The following TANC1 variants were observed in gnomAD, a reference collection of about 807,000 sequenced individuals.
TANC1 encodes the protein tetratricopeptide repeat, ankyrin repeat and coiled-coil containing 1.
TANC1 carries 77 observed loss-of-function variants against 149.7 expected under a neutral mutation model. The observed-to-expected ratio is 0.51, with a 90% confidence interval of 0.43 to 0.62. TANC1 has a LOEUF of 0.62. Ranked by LOEUF, TANC1 falls within the 20% of genes least tolerant of loss-of-function variation. The pLI is 0.00. For missense variants in TANC1, 1,985 were observed against 2,321.8 expected, an observed-to-expected ratio of 0.85 and a Z score of 2.98; for synonymous variants, 854 against 925.0, an observed-to-expected ratio of 0.92 and a Z score of 1.39.
intron 7 of TANC1, among the ~76,000 whole-genome samples, chr2:159,151,881 A>G (rs1418703212): frequency 6.6e-6 from 1 of 152,214 alleles, no homozygotes; most frequent in Admixed American, 6.5e-5. Context: ...CATTTGAACC[A>G]TTTGACGGTT....
At chr2:159,015,167 G>A (rs553447867) in intron 2 of TANC1, among the ~76,000 whole-genome samples, 12 of 152,326 alleles carry the variant, frequency 7.9e-5, no homozygotes, top group Non-Finnish European at 1.3e-4. Flanking sequence ...AGGCATTCCC[G>A]TGCATCTTCT....
At chr2:159,167,237 A>G (rs1408219108) in intron 8 of TANC1, among the ~76,000 whole-genome samples, 1 of 152,194 alleles carries the variant, frequency 6.6e-6, no homozygotes, top group African/African-American at 2.4e-5. Context: ...ATTACGGGTT[A>G]TGAATATGGC....
chr2:159,144,844 T>C (rs749602025), intron 5 of TANC1, among the ~76,000 whole-genome samples: 7 of 152,188 alleles, frequency 4.6e-5, no homozygotes, highest in Non-Finnish European at 8.8e-5. Context: ...CATGGATAGA[T>C]AGAGGCAGAG....
At chr2:158,990,386 GATGT>G (rs1253201868) in intron 1 of TANC1, among the ~76,000 whole-genome samples, 1 of 152,212 alleles carries the variant, frequency 6.6e-6, no homozygotes, top group Non-Finnish European at 1.5e-5. Context: ...TGATGAATAA[GATGT>G]GGTTTCTATC....
chr2:159,048,141 G>A (rs2041209462), intron 2 of TANC1, among the ~76,000 whole-genome samples: 1 of 152,164 alleles, frequency 6.6e-6, no homozygotes, highest in African/African-American at 2.4e-5. Context: ...ATGGGCTGGT[G>A]TTGGTTGACC....
In TANC1 at chr2:159,219,692, G is replaced by A. The variant is rs772481915; in HGVS notation, c.3503G>A (p.Gly1168Asp). Reference protein sequence around the residue: ...LSTVEFLLSKGAALSSLDKEG... With the variant: ...LSTVEFLLSKDAALSSLDKEG... ...TTCTGTGAATGGGCTTTCCTTTCAG[G>A]TGCAGCCCTTTCTTCTCTAGACAAA... Residue 1168 changes from glycine (G) to aspartate (D), a missense_variant and splice_region_variant, in exon 22 of 27, where the codon GGT becomes GAT. Gly to Asp is a moderately conservative substitution (Grantham distance 94). Coordinates refer to ENST00000263635, the MANE Select transcript of TANC1 (RefSeq NM_033394.3). 7.4e-6 allele frequency: 12 copies of A among 1,614,032 alleles called. No individual in the cohort carries two copies. The East Asian group carries it at 2.2e-4, about 30-fold the overall frequency.
At chr2:159,192,546 A>G (rs1011692892) in intron 16 of TANC1, among the ~76,000 whole-genome samples, 3 of 152,248 alleles carry the variant, frequency 2.0e-5, no homozygotes, top group African/African-American at 4.8e-5. Context: ...AAGAGTGTCA[A>G]TATCAACGAG....
intron 19 of TANC1, among the ~76,000 whole-genome samples, chr2:159,212,766 C>T (rs1369207276): frequency 1.3e-5 from 2 of 151,938 alleles, no homozygotes; most frequent in East Asian, 1.9e-4. Flanking sequence ...ACTAAAAATA[C>T]AAAAATTAGC....
At chr2:159,164,998 C>G (rs571001258) in intron 8 of TANC1, among the ~76,000 whole-genome samples, 143 of 152,276 alleles carry the variant, frequency 9.4e-4, no homozygotes, top group African/African-American at 3.3e-3. Context: ...GCACCCAAGG[C>G]GCTTTAGACC....
At chr2:159,051,035 G>A (rs1303856597) in intron 2 of TANC1, among the ~76,000 whole-genome samples, 1 of 152,178 alleles carries the variant, frequency 6.6e-6, no homozygotes, top group Admixed American at 6.5e-5. Flanking sequence ...CCAGGAAGAT[G>A]TTTTGCTGAG....
In TANC1 at chr2:159,179,032, G is replaced by A; in HGVS notation, c.2379G>A (p.Gln793=). 6.2e-7 allele frequency: 1 copy of A among 1,614,064 alleles called. No homozygotes were observed. Among genetic ancestry groups the A allele is most frequent in the Non-Finnish European group, 8.5e-7 (1 of 1,180,022 alleles). The stretch of plus-strand genomic sequence containing the variant: ...AGCAGGGATGGGAAGACTTTCAGCA[G>A]AGGATGGACGCCCTCTCCTGCTTCC... ...QGEQGWEDFQ[Q]RMDALSCFLI... The change falls in exon 14 of 27, where the codon CAG becomes CAA. Residue 793 remains glutamine (Q), a synonymous_variant. Transcript: ENST00000263635.
At chr2:159,131,277 A>T (rs945910645) in intron 4 of TANC1, among the ~76,000 whole-genome samples, 2 of 152,176 alleles carry the variant, frequency 1.3e-5, no homozygotes, top group Non-Finnish European at 2.9e-5. Context: ...TTAGCTCTTG[A>T]ATCTCTCTCC....
chr2:159,042,456 C>G (rs1312310620), intron 2 of TANC1, among the ~76,000 whole-genome samples: 2 of 152,048 alleles, frequency 1.3e-5, no homozygotes, highest in African/African-American at 2.4e-5. Context: ...CACAGGAGCT[C>G]CTTGTTGGAA....
At chr2:158,969,691 G>A (rs2032550051) in intron 1 of TANC1, among the ~76,000 whole-genome samples, 1 of 152,244 alleles carries the variant, frequency 6.6e-6, no homozygotes, top group Non-Finnish European at 1.5e-5. Context: ...CAGACAGAAA[G>A]GTCCCTGGAC....
chr2:159,191,721 A>ATTTGTT (rs1201818129), intron 16 of TANC1, among the ~76,000 whole-genome samples: 1 of 152,152 alleles, frequency 6.6e-6, no homozygotes, highest in Non-Finnish European at 1.5e-5. Flanking sequence ...TTCCAGACCC[A>ATTTGTT]TTTGTTTGTA....
chr2:159,027,877 T>C (rs1299027809), intron 2 of TANC1, among the ~76,000 whole-genome samples: 1 of 152,128 alleles, frequency 6.6e-6, no homozygotes, highest in African/African-American at 2.4e-5. Context: ...CAAATGAGGG[T>C]CTTCTTCCTG....
chr2:159,018,029 G>A (rs888999829), intron 2 of TANC1, among the ~76,000 whole-genome samples: 3 of 152,158 alleles, frequency 2.0e-5, no homozygotes, highest in Non-Finnish European at 4.4e-5. Context: ...TAGAACAGGC[G>A]TGAATCAAAC....
At chr2:159,042,107 T>A (rs1022357531) in intron 2 of TANC1, among the ~76,000 whole-genome samples, 1 of 152,112 alleles carries the variant, frequency 6.6e-6, no homozygotes, top group Non-Finnish European at 1.5e-5. Flanking sequence ...CAGAGAAACC[T>A]CCTATTCTCC....
chr2:159,003,971 C>CT (rs1470612211), intron 2 of TANC1: 2 of 1,612,294 alleles, frequency 1.2e-6, no homozygotes, highest in African/African-American at 1.3e-5. Flanking sequence ...TCAGAGTTCT[C>CT]TAAAAAAAAC....
Sources: allele counts gnomAD v4.1 joint callset (sites outside exome capture counted in the v4.1 genomes callset), GRCh38; gene constraint gnomAD v4.1.1; transcripts MANE v1.5; gene names NCBI Gene and HGNC (gene_info 2026-07-23, HGNC 2026-07-21).